The following RBPJL variants were observed in gnomAD, a reference collection of about 807,000 sequenced individuals.
RBPJL encodes the protein recombining binding protein suppressor of hairless-like protein.
A neutral mutation model predicts 57.6 loss-of-function variants in RBPJL; 50 were observed. The observed-to-expected ratio is 0.87, with a 90% CI of 0.69 to 1.10. The LOEUF (loss-of-function observed/expected upper bound fraction) is 1.10. RBPJL is among the 50% of genes least tolerant of loss of function. The pLI, the probability that RBPJL is intolerant of heterozygous loss-of-function variation, is 0.00. For missense variants in RBPJL, 684 were observed against 693.7 expected (o/e 0.99, Z 0.16); for synonymous variants, 303 against 294.4 (o/e 1.03, Z -0.30).
At chr20:45,312,748 G>A (rs1169320568) in intron 6 of RBPJL, among the ~76,000 whole-genome samples, 1 of 151,704 alleles carries the variant, frequency 6.6e-6, no homozygotes, top group African/African-American at 2.4e-5. Flanking sequence ...CCAACAATTT[G>A]GGAGGCCAAG....
intron 2 of RBPJL, among the ~76,000 whole-genome samples, chr20:45,308,900 C>T (rs910109316): frequency 2.0e-5 from 3 of 152,166 alleles, no homozygotes; most frequent in Admixed American, 2.0e-4. Context: ...GGACCAATGT[C>T]ATCTGCCTTG....
At chr20:45,312,554 G>A (rs1987239386) in intron 6 of RBPJL, among the ~76,000 whole-genome samples, 159 bp downstream of exon 6, 2 of 152,144 alleles carry the variant, frequency 1.3e-5, no homozygotes, top group African/African-American at 4.8e-5. Flanking sequence ...GGATGAGTGG[G>A]TGCGGCCCAG....
At chr20:45,315,260 C>A (rs1362979610) in intron 9 of RBPJL, among the ~76,000 whole-genome samples, 1 of 151,920 alleles carries the variant, frequency 6.6e-6, no homozygotes. Flanking sequence ...CAGTAGTACT[C>A]CCAAAAGAAT....
At chr20:45,308,089 C>T (rs1986892353) in intron 1 of RBPJL, 54 bp from the exon 2 acceptor site, 6 of 1,278,120 alleles carry the variant, frequency 4.7e-6, no homozygotes, top group African/African-American at 1.5e-5. Context: ...CCCTAGGCAG[C>T]GTCTCTGCTA....
intron 3 of RBPJL, among the ~76,000 whole-genome samples, chr20:45,311,113 C>A (rs1987138918): frequency 8.4e-6 from 1 of 119,122 alleles, no homozygotes. Context: ...CAAGACCCTG[C>A]CTCAAAAAAA....
intron 1 of RBPJL, 50 bp downstream of exon 1, chr20:45,306,994 A>G: frequency 8.8e-7 from 1 of 1,139,362 alleles, no homozygotes; most frequent in Non-Finnish European, 1.1e-6. Flanking sequence ...GAGAACTACG[A>G]AGGACCACCC....
In RBPJL at chr20:45,308,634, G is replaced by C; in HGVS notation, c.131+383G>C. 3 of 249,696 alleles carry C rather than the reference G, an allele frequency of 1.2e-5. No homozygotes were observed. In the Admixed American group the frequency reaches 1.4e-4, roughly 12 times the overall value. 15.5% of individuals were successfully genotyped at this position (249,696 alleles called of 1,614,324 possible). A position where few individuals can be genotyped will look rare whatever the true frequency, so the allele number is the denominator to read the frequency against. On this transcript the variant is annotated intron_variant, in intron 2 of 11. Transcript: ENST00000343694. ...CTGCTGCCTGTCTGGCCTGGCTTTC[G>C]AGGGTGCGGTCTTGCGCTGTCCCCT...
rs199560825 is a variant in RBPJL, at chr20:45,311,140, AAAAG to A, written c.258-441_258-438del. On this transcript the variant is annotated intron_variant, in intron 3 of 11. Transcript: ENST00000343694. ...TCAAAAAAAAAAAAAAAGAAAAAGA[AAAAG>A]AAAGAAACAGGAAGGAAGGAATGAA... Among the ~76,000 whole-genome samples the A allele has an allele frequency of 5.2e-3, 795 of 151,586 alleles. 13 individuals carry two copies. Among genetic ancestry groups the A allele is most frequent in the African/African-American group, 0.018 (740 of 41,226 alleles).
At chr20:45,313,406 C>T (rs1295146885) in intron 6 of RBPJL, 62 bp from the exon 7 acceptor site, 3 of 1,418,288 alleles carry the variant, frequency 2.1e-6, no homozygotes, top group Non-Finnish European at 2.9e-6. Flanking sequence ...AACCCTAACC[C>T]TATCCCCTCA....
At position 45,316,858 on chromosome 20, in the gene RBPJL, C is replaced by T. The variant is rs145811044; in HGVS notation, c.1453C>T (p.His485Tyr). The T allele has an allele frequency of 8.0e-5, 129 of 1,613,904 alleles. 1 individual carries two copies. The African/African-American group carries it at 1.6e-3, about 21-fold the overall frequency. Residue 485 changes from histidine (H) to tyrosine (Y), a missense_variant, in exon 12 of 12, where the codon CAC becomes TAC. Transcript: ENST00000343694. ...CCCGGAATACAGCGTGCGGCCGGGT[C>T]ACCCCGGCGTCCCCGAGCCCGCCAC... ...YTPEYSVRPG[H>Y]PGVPEPATDA...
chr20:45,310,423 A>G (rs953107019), intron 3 of RBPJL, among the ~76,000 whole-genome samples: 2 of 151,986 alleles, frequency 1.3e-5, no homozygotes, highest in Non-Finnish European at 2.9e-5. Flanking sequence ...CCTGGCCAAT[A>G]CAGTGAAACC....
Position 45,316,297 on chromosome 20 carries a change from T to C in RBPJL, c.1131T>C (p.Cys377=), listed in dbSNP as rs780354080. The change falls in exon 10 of 12, where the codon TGT becomes TGC. Residue 377 remains cysteine (C), a synonymous_variant. Transcript: ENST00000343694. ...VEFSFSTSLA[C]TLEPVTPVPL... is the part of the protein sequence containing the mutation. ...TTTCCTTCAGCACCAGCCTGGCGTG[T>C]ACCCTGGAGCCGGTCACTCCGGTGC... 6 of 1,614,192 alleles carry C rather than the reference T, an allele frequency of 3.7e-6. No individual in the cohort carries two copies. The highest frequency in any genetic ancestry group is 1.1e-5 in the South Asian group (1 of 91,092).
At position 45,317,192 on chromosome 20, in the gene RBPJL, T is replaced by G; in HGVS notation, c.*233T>G. On this transcript the variant is annotated 3_prime_UTR_variant, in exon 12 of 12. Transcript: ENST00000343694. Reference sequence around the variant, plus strand: ...GTGCTGTCTTTGTGTCCGTCGTGTATGGCTCTCCCTGTCTTCATTTCTTCT... The same window carrying G: ...GTGCTGTCTTTGTGTCCGTCGTGTAGGGCTCTCCCTGTCTTCATTTCTTCT... 1 of 576,952 alleles carries G rather than the reference T, an allele frequency of 1.7e-6. No homozygotes were observed. Among genetic ancestry groups the G allele is most frequent in the Non-Finnish European group, 3.1e-6 (1 of 327,114 alleles). 35.7% of individuals were successfully genotyped at this position (576,952 alleles called of 1,614,324 possible). A position where few individuals can be genotyped will look rare whatever the true frequency, so the allele number is the denominator to read the frequency against.
Position 45,316,563 on chromosome 20 carries a change from G to A in RBPJL, c.1263G>A (p.Glu421=), listed in dbSNP as rs1421839709. Residue 421 remains glutamate (E), a synonymous_variant, in exon 11 of 12, where the codon GAG becomes GAA. Coordinates refer to ENST00000343694, the MANE Select transcript of RBPJL (RefSeq NM_014276.4). ...TCAAGGTGTGGTTTGGGGACGTGGA[G>A]GCAGAAACCATGTACAGGTACGGGG... The part of the protein sequence containing the change: ...AGLKVWFGDV[E]AETMYRSPRS... 5.9e-6 allele frequency: 9 copies of A among 1,535,258 alleles called. No homozygotes were observed. The highest frequency in any genetic ancestry group is 7.9e-6 in the Non-Finnish European group (9 of 1,141,484).
chr20:45,312,226 C>T lies in RBPJL; in HGVS notation c.450C>T (p.Phe150=), dbSNP rs751507015. Reference sequence around the variant, plus strand: ...TGTACCTGTGAGCCCCCTAGGAATTCGGCTGCGCCAAGACCCTGTACATCT... The same window carrying T: ...TGTACCTGTGAGCCCCCTAGGAATTTGGCTGCGCCAAGACCCTGTACATCT... ...NFEQQPDSRE[F]GCAKTLYISD... The change falls in exon 6 of 12, where the codon TTC becomes TTT. Residue 150 remains phenylalanine, a synonymous_variant. Coordinates refer to ENST00000343694, the MANE Select transcript of RBPJL (RefSeq NM_014276.4). The T allele has an allele frequency of 6.2e-7, 1 of 1,614,196 alleles. No individual in the cohort carries two copies. The highest frequency in any genetic ancestry group is 8.5e-7 in the Non-Finnish European group (1 of 1,180,046).
intron 10 of RBPJL, 44 bp from the exon 11 acceptor site, chr20:45,316,433 C>T (rs1306543765): frequency 1.3e-6 from 2 of 1,564,018 alleles, no homozygotes; most frequent in Non-Finnish European, 1.7e-6. Flanking sequence ...CGGGTTCCCG[C>T]CCTACTTGGT....
Position 45,314,401 on chromosome 20 carries a change from C to T in RBPJL, c.868-12C>T, listed in dbSNP as rs906302799. On this transcript the variant is annotated splice_polypyrimidine_tract_variant and intron_variant, in intron 8 of 11. Coordinates refer to ENST00000343694, the MANE Select transcript of RBPJL (RefSeq NM_014276.4). ...CCTTGCCACCACTGTTCTTACCATC[C>T]TTCCATTGCAGATCATCCGTAAAGT... The T allele has an allele frequency of 6.2e-7, 1 of 1,609,420 alleles. No homozygotes were observed. Among genetic ancestry groups the T allele is most frequent in the African/African-American group, 1.3e-5 (1 of 74,996 alleles).
chr20:45,309,533 C>T (rs573932169), intron 2 of RBPJL, 34 bp from the exon 3 acceptor site: 1 of 1,589,196 alleles, frequency 6.3e-7, no homozygotes, highest in African/African-American at 1.3e-5. Context: ...CTTCTCCCTC[C>T]TGTGGCTGGT....
chr20:45,309,601 G>C lies in RBPJL; in HGVS notation c.166G>C (p.Gly56Arg). The C allele has an allele frequency of 6.2e-7, 1 of 1,613,306 alleles. No individual in the cohort carries two copies. Reference sequence around the variant, plus strand: ...AGAGCACACCACCATTCTGAGGGGAGGCGTGCGCAGGTGCCTGCAGCAACA... The same window carrying C: ...AGAGCACACCACCATTCTGAGGGGACGCGTGCGCAGGTGCCTGCAGCAACA... ...SPEHTTILRGGVRRCLQQQCE... is the reference protein window; with the variant it reads ...SPEHTTILRGRVRRCLQQQCE... Residue 56 changes from glycine to arginine, a missense_variant, in exon 3 of 12, where the codon GGC (glycine) becomes CGC (arginine). Physicochemically the swap from Gly to Arg is moderately radical, Grantham distance 125 (BLOSUM62 -2). Transcript: ENST00000343694.
Sources: gnomAD v4.1 joint callset for allele counts (sites outside exome capture counted in the v4.1 genomes callset) on GRCh38, gnomAD v4.1.1 for gene constraint, MANE v1.5 for transcripts, NCBI Gene and HGNC (gene_info 2026-07-23, HGNC 2026-07-21) for gene names.